Variants in CPQ observed in about 807,000 individuals in gnomAD.
The protein encoded by CPQ is Ser-Met dipeptidase.
CPQ carries 37 observed loss-of-function variants against 45.7 expected under a neutral mutation model. The ratio of observed to expected loss-of-function variants is 0.81; its 90% CI spans 0.62 to 1.07. The LOEUF (loss-of-function observed/expected upper bound fraction) is 1.07. Ranked by LOEUF, CPQ falls within the 50% of genes least tolerant of loss-of-function variation. The pLI is 0.00. For missense variants in CPQ, 537 were observed against 572.9 expected, an observed-to-expected ratio of 0.94 and a Z score of 0.64; for synonymous variants, 186 against 205.8, an observed-to-expected ratio of 0.90 and a Z score of 0.82.
At chr8:96,860,008 C>T (rs925095373) in intron 3 of CPQ, among the ~76,000 whole-genome samples, 1 of 152,050 alleles carries the variant, frequency 6.6e-6, no homozygotes, top group East Asian at 1.9e-4. Context: ...CTGAGGCTTC[C>T]CTTTAAATAA....
chr8:96,987,247 C>T (rs1809002350), intron 5 of CPQ, among the ~76,000 whole-genome samples: 1 of 151,984 alleles, frequency 6.6e-6, no homozygotes, highest in African/African-American at 2.4e-5. Flanking sequence ...TGTGCATGCC[C>T]ACATCCAGTG....
Position 97,045,345 on chromosome 8 carries a change from G to A in CPQ, c.1053+15851G>A, listed in dbSNP as rs190543812. Reference sequence around the variant, plus strand: ...CATTTTTTAAGCCCGTCGGAAAAGCGCAGCATTAGAGTGGGAGTGACCCGA... The same window carrying A: ...CATTTTTTAAGCCCGTCGGAAAAGCACAGCATTAGAGTGGGAGTGACCCGA... On this transcript the variant is annotated intron_variant, in intron 6 of 7. Coordinates refer to ENST00000220763, the MANE Select transcript of CPQ (RefSeq NM_016134.4). Among the ~76,000 whole-genome samples, 224 of 152,332 alleles carry A rather than the reference G, an allele frequency of 1.5e-3. 3 individuals carry two copies. The South Asian group carries it at 0.019, about 13-fold the overall frequency.
chr8:96,959,141 T>A lies in CPQ; in HGVS notation c.850-6794T>A, dbSNP rs142167908. On this transcript the variant is annotated intron_variant, in intron 4 of 7. Transcript: ENST00000220763. ...CCACCCTCTGAAAGCCAAGGCTTTG[T>A]CTCCAGTGGGGATTATGAAAACATG... Among the ~76,000 whole-genome samples, 349 of 152,244 alleles carry A rather than the reference T, an allele frequency of 2.3e-3. 1 individual carries two copies. Among genetic ancestry groups the A allele is most frequent in the African/African-American group, 7.9e-3 (329 of 41,542 alleles).
At chr8:96,742,665 G>A (rs1241608940) in intron 1 of CPQ, among the ~76,000 whole-genome samples, 4 of 152,030 alleles carry the variant, frequency 2.6e-5, no homozygotes, top group African/African-American at 9.7e-5. Context: ...TTTTAGGGCA[G>A]GCCTGGTGGT....
At chr8:96,905,491 A>G (rs1016003054) in intron 4 of CPQ, among the ~76,000 whole-genome samples, 1 of 152,174 alleles carries the variant, frequency 6.6e-6, no homozygotes, top group Non-Finnish European at 1.5e-5. Context: ...TGTCTCCCAC[A>G]TTATAGCATT....
intron 6 of CPQ, among the ~76,000 whole-genome samples, chr8:97,054,701 T>C (rs961921804): frequency 5.9e-5 from 9 of 152,134 alleles, no homozygotes; most frequent in Admixed American, 6.5e-5. Flanking sequence ...TCCTCACTTA[T>C]AAGTTGGAGC....
At chr8:96,959,649 C>A (rs911102286) in intron 4 of CPQ, among the ~76,000 whole-genome samples, 1 of 152,082 alleles carries the variant, frequency 6.6e-6, no homozygotes, top group African/African-American at 2.4e-5. Flanking sequence ...TAGGTCACTC[C>A]TTGGCCTCTT....
intron 1 of CPQ, among the ~76,000 whole-genome samples, chr8:96,744,470 G>A (rs895460603): frequency 6.6e-6 from 1 of 152,308 alleles, no homozygotes; most frequent in Non-Finnish European, 1.5e-5. Context: ...GTAGACCGGA[G>A]GTGTTCCTAT....
At chr8:96,849,697 C>T (rs180803908) in intron 3 of CPQ, among the ~76,000 whole-genome samples, 14 of 152,250 alleles carry the variant, frequency 9.2e-5, no homozygotes, top group Non-Finnish European at 1.9e-4. Flanking sequence ...GTGAGACATC[C>T]CCAGATGTTA....
intron 1 of CPQ, among the ~76,000 whole-genome samples, chr8:96,717,084 T>C (rs1391751543): frequency 8.4e-6 from 1 of 118,412 alleles, no homozygotes; most frequent in African/African-American, 3.4e-5. Flanking sequence ...TATACGTATA[T>C]ATACACACAC....
intron 1 of CPQ, among the ~76,000 whole-genome samples, chr8:96,743,154 T>G (rs894456358): frequency 1.3e-5 from 2 of 152,178 alleles, no homozygotes; most frequent in Non-Finnish European, 2.9e-5. Flanking sequence ...GTCCCATATT[T>G]CTTGGAGGCT....
At chr8:96,960,168 C>A (rs1813432980) in intron 4 of CPQ, among the ~76,000 whole-genome samples, 1 of 152,080 alleles carries the variant, frequency 6.6e-6, no homozygotes, top group South Asian at 2.1e-4. Context: ...TTCTAGTTAC[C>A]AAGGGCCTTT....
intron 3 of CPQ, among the ~76,000 whole-genome samples, chr8:96,873,211 A>G (rs1052614161): frequency 6.6e-6 from 1 of 151,830 alleles, no homozygotes; most frequent in African/African-American, 2.4e-5. Flanking sequence ...GAATTCAATA[A>G]TTTGACTTTT....
At chr8:96,767,959 C>T (rs1810490980) in intron 1 of CPQ, among the ~76,000 whole-genome samples, 1 of 151,932 alleles carries the variant, frequency 6.6e-6, no homozygotes. Context: ...CTTCTTTATA[C>T]TAGTTCTTTC....
At chr8:96,982,391 C>T (rs1168575430) in intron 5 of CPQ, among the ~76,000 whole-genome samples, 2 of 152,130 alleles carry the variant, frequency 1.3e-5, no homozygotes, top group Admixed American at 6.6e-5. Flanking sequence ...TCCCAGGCTA[C>T]AGTGCAATGG....
chr8:96,903,438 T>C (rs1812538137), intron 4 of CPQ, among the ~76,000 whole-genome samples: 1 of 152,148 alleles, frequency 6.6e-6, no homozygotes, highest in African/African-American at 2.4e-5. Flanking sequence ...CAAGAAGTTG[T>C]TGTAAGGTGA....
intron 1 of CPQ, among the ~76,000 whole-genome samples, chr8:96,764,362 G>A (rs1810441786): frequency 6.6e-6 from 1 of 152,094 alleles, no homozygotes; most frequent in African/African-American, 2.4e-5. Context: ...CAGTGCCAGT[G>A]GTAGAAGGGT....
At chr8:96,735,932 A>C (rs1809976469) in intron 1 of CPQ, among the ~76,000 whole-genome samples, 2 of 152,082 alleles carry the variant, frequency 1.3e-5, no homozygotes, top group Non-Finnish European at 2.9e-5. Context: ...TTTCGAGGCC[A>C]TCCCTAAGGG....
intron 7 of CPQ, among the ~76,000 whole-genome samples, chr8:97,140,879 TAGAA>T (rs1017246207): frequency 2.7e-4 from 41 of 151,944 alleles, no homozygotes; most frequent in African/African-American, 4.1e-4. Context: ...CTGAAACAAT[TAGAA>T]AGCCCCAAAA....
Sources: allele counts gnomAD v4.1 joint callset (sites outside exome capture counted in the v4.1 genomes callset), GRCh38; gene constraint gnomAD v4.1.1; transcripts MANE v1.5; gene names NCBI Gene and HGNC (gene_info 2026-07-23, HGNC 2026-07-21).